Variants in CMC1 observed in about 807,000 individuals in gnomAD.
CMC1 encodes COX assembly mitochondrial protein homolog.
Under a neutral mutation model 14.1 loss-of-function variants are expected in CMC1, and 14 were observed. That is an observed-to-expected ratio of 0.99 (90% CI 0.66 to 1.55). The LOEUF (loss-of-function observed/expected upper bound fraction) is 1.55, where lower values mean the gene tolerates loss of function less well. Ranked by LOEUF, CMC1 falls within the 40% of genes most tolerant of loss-of-function variation. The pLI is 0.00. For missense variants in CMC1, 127 were observed against 123.8 expected, an observed-to-expected ratio of 1.03 and a Z score of -0.12; for synonymous variants, 50 against 38.4, an observed-to-expected ratio of 1.30 and a Z score of -1.12.
At chr3:28,256,066 C>T (rs534279039) in intron 1 of CMC1, among the ~76,000 whole-genome samples, 2 of 152,160 alleles carry the variant, frequency 1.3e-5, no homozygotes, top group Non-Finnish European at 2.9e-5. Context: ...CACATACATA[C>T]ACCAAAACGC....
chr3:28,307,714 C>T (rs1702400208), intron 2 of CMC1, among the ~76,000 whole-genome samples: 1 of 152,022 alleles, frequency 6.6e-6, no homozygotes, highest in Non-Finnish European at 1.5e-5. Flanking sequence ...CCAGTTTTTC[C>T]CCCCACTGTG....
chr3:28,282,742 T>C (rs909195365), intron 2 of CMC1, among the ~76,000 whole-genome samples: 2 of 152,226 alleles, frequency 1.3e-5, no homozygotes, highest in Non-Finnish European at 2.9e-5. Flanking sequence ...TTAAAATGCA[T>C]CCACGAATGA....
chr3:28,303,863 G>A (rs1702178029), intron 2 of CMC1, among the ~76,000 whole-genome samples: 1 of 151,910 alleles, frequency 6.6e-6, no homozygotes, highest in African/African-American at 2.4e-5. Context: ...TTTTACCTTA[G>A]TCTTTATTTT....
At chr3:28,310,896 C>T (rs930699176) in intron 2 of CMC1, among the ~76,000 whole-genome samples, 2 of 152,086 alleles carry the variant, frequency 1.3e-5, no homozygotes, top group African/African-American at 4.8e-5. Context: ...CTCGCATGCA[C>T]AATTCTTCAC....
At chr3:28,264,450 A>C (rs6791331) in intron 2 of CMC1, among the ~76,000 whole-genome samples, 148,903 of 152,310 alleles carry the variant, frequency 0.98, 72,806 homozygotes, top group East Asian at 1. Flanking sequence ...GTGTGATGGT[A>C]ATTTTTGTTT....
intron 2 of CMC1, among the ~76,000 whole-genome samples, chr3:28,311,450 T>C (rs1406485628): frequency 1.3e-5 from 2 of 152,206 alleles, no homozygotes; most frequent in Admixed American, 6.5e-5. Flanking sequence ...TGCTGTTGGT[T>C]ATACAGAATA....
chr3:28,243,503 C>T (rs957168937), intron 1 of CMC1, among the ~76,000 whole-genome samples: 2 of 152,240 alleles, frequency 1.3e-5, no homozygotes, highest in Non-Finnish European at 2.9e-5. Context: ...TTCATACTTG[C>T]TCTCTTCACT....
intron 2 of CMC1, chr3:28,292,714 T>G (rs1052212772): frequency 6.6e-6 from 1 of 152,180 alleles, no homozygotes; most frequent in African/African-American, 2.4e-5. Context: ...GACCCCTTAA[T>G]CTCTTTATTG....
Position 28,316,421 on chromosome 3 carries a change from T to C in CMC1, c.198T>C (p.Ala66=), listed in dbSNP as rs750234514. ...CTGCATTGAAAGAATGTCTAACTGC[T>C]TAGTAAGTAGTTGTCTCAGCGTTTG... The part of the protein sequence containing the change: ...ENSALKECLT[A]YYNDPAFYEE... The change falls in exon 3 of 4, where the codon GCT becomes GCC. Residue 66 remains alanine (A), a splice_region_variant and synonymous_variant. Coordinates refer to ENST00000466830, the MANE Select transcript of CMC1 (RefSeq NM_182523.2). 1.3e-6 allele frequency: 2 copies of C among 1,573,534 alleles called. No homozygotes were observed. The highest frequency in any genetic ancestry group is 1.7e-6 in the Non-Finnish European group (2 of 1,153,164).
chr3:28,272,198 A>G (rs565710208), intron 2 of CMC1, among the ~76,000 whole-genome samples: 10 of 152,228 alleles, frequency 6.6e-5, no homozygotes, highest in South Asian at 2.1e-4. Context: ...CTGTTTTCCT[A>G]TTTGAATAAC....
At chr3:28,295,824 G>GT (rs1300680393) in intron 2 of CMC1, among the ~76,000 whole-genome samples, 1 of 151,954 alleles carries the variant, frequency 6.6e-6, no homozygotes, top group African/African-American at 2.4e-5. Flanking sequence ...CATGAATACT[G>GT]TATTTTTTAT....
intron 2 of CMC1, among the ~76,000 whole-genome samples, chr3:28,276,005 C>G (rs1248506398): frequency 2.0e-5 from 3 of 152,196 alleles, no homozygotes; most frequent in African/African-American, 7.2e-5. Flanking sequence ...GCAGTGGTGG[C>G]TGCTGCCCCT....
intron 3 of CMC1, chr3:28,318,938 A>G: frequency 4.5e-6 from 1 of 222,978 alleles, no homozygotes; most frequent in Admixed American, 5.4e-5. Flanking sequence ...ATTTCTGAGT[A>G]TAGCATAAAT....
At chr3:28,299,240 C>G (rs867866855) in intron 2 of CMC1, among the ~76,000 whole-genome samples, 1 of 151,984 alleles carries the variant, frequency 6.6e-6, no homozygotes, top group Non-Finnish European at 1.5e-5. Flanking sequence ...AAAATCTACT[C>G]GTGGCATATT....
intron 2 of CMC1, among the ~76,000 whole-genome samples, chr3:28,283,990 C>T (rs1701042420): frequency 6.6e-6 from 1 of 152,126 alleles, no homozygotes. Flanking sequence ...GTATACCTCC[C>T]ATAGATATAT....
In CMC1 at chr3:28,248,017, A is replaced by AT. The variant is rs201406004; in HGVS notation, c.19+6214dup. 3.2e-3 allele frequency among the ~76,000 whole-genome samples: 484 copies of AT among 151,312 alleles called. 1 individual carries two copies. Among genetic ancestry groups the AT allele is most frequent in the Non-Finnish European group, 5.6e-3 (381 of 67,774 alleles). ...TGATTGCCACCACCTCCAGTTAAAC[A>AT]TTTTTTTTTAAGGTTTAGGATTAAA... On this transcript the variant is annotated intron_variant, in intron 1 of 3. Transcript: ENST00000466830.
At chr3:28,253,600 C>A in intron 1 of CMC1, 1 of 441,824 alleles carries the variant, frequency 2.3e-6, no homozygotes, top group Non-Finnish European at 4.0e-6. Flanking sequence ...AAACCAAAAC[C>A]AAAAAACCCC....
At chr3:28,262,492 T>C (rs1438005547) in intron 1 of CMC1, among the ~76,000 whole-genome samples, 1 of 152,140 alleles carries the variant, frequency 6.6e-6, no homozygotes, top group East Asian at 1.9e-4. Flanking sequence ...TTAATAACTG[T>C]TTAGTTTCCT....
chr3:28,293,488 G>T (rs926852105), intron 2 of CMC1, among the ~76,000 whole-genome samples: 1 of 152,250 alleles, frequency 6.6e-6, no homozygotes, highest in Non-Finnish European at 1.5e-5. Context: ...GAGGTAGATG[G>T]TTGTAAGATA....
Sources: gnomAD v4.1 joint callset for allele counts (sites outside exome capture counted in the v4.1 genomes callset) on GRCh38, gnomAD v4.1.1 for gene constraint, MANE v1.5 for transcripts, NCBI Gene and HGNC (gene_info 2026-07-23, HGNC 2026-07-21) for gene names.